The following PCSK9 variants were observed in gnomAD, a reference collection of about 807,000 sequenced individuals.
PCSK9 encodes convertase subtilisin/kexin type 9 preproprotein.
A neutral mutation model predicts 62.1 loss-of-function variants in PCSK9; 57 were observed. That is an observed-to-expected ratio of 0.92 (90% CI 0.74 to 1.14). The LOEUF (loss-of-function observed/expected upper bound fraction) is 1.14. PCSK9 is among the 50% of genes most tolerant of loss of function. The probability of loss-of-function intolerance (pLI) is 0.00; values close to 1 mark genes in which losing one functional copy is unlikely to be tolerated. For missense variants in PCSK9, 870 were observed against 959.8 expected (o/e 0.91, Z 1.24); for synonymous variants, 387 against 409.4 (o/e 0.95, Z 0.66).
intron 1 of PCSK9, among the ~76,000 whole-genome samples, chr1:55,043,251 TCCCTTCTGC>T (rs1644609166): frequency 1.3e-5 from 2 of 152,348 alleles, no homozygotes; most frequent in South Asian, 4.1e-4. Context: ...CACTTAGTCA[TCCCTTCTGC>T]CTGCATTTGT....
In PCSK9 at chr1:55,051,049, C is replaced by T. The variant is rs1644669277; in HGVS notation, c.524-1229C>T. The T allele has an allele frequency of 7.0e-6, 3 of 425,556 alleles. No homozygotes were observed. The Admixed American group carries it at 7.8e-5, about 11-fold the overall frequency. The allele number at this position is 425,556 out of a possible 1,614,324, so 26.4% of individuals were successfully genotyped here. On this transcript the variant is annotated intron_variant, in intron 3 of 11. Transcript: ENST00000302118. ...AGGGAACACCAGCAGCCACCAGAAGCCGGAAGACGTGAGGCAGGGTTCTTC... is the reference window on the plus strand; with the variant it reads ...AGGGAACACCAGCAGCCACCAGAAGTCGGAAGACGTGAGGCAGGGTTCTTC...
Position 55,061,083 on chromosome 1 carries a change from T to C in PCSK9, c.1682-292T>C, listed in dbSNP as rs538316722. On this transcript the variant is annotated intron_variant, in intron 10 of 11. Transcript: ENST00000302118. Reference sequence around the variant, plus strand: ...GGGGGAGTTTGAGCATCTCAGGCCATAGAGCCCCTGCCTCACTGTCTCCAT... The same window carrying C: ...GGGGGAGTTTGAGCATCTCAGGCCACAGAGCCCCTGCCTCACTGTCTCCAT... 3.1e-3 allele frequency among the ~76,000 whole-genome samples: 478 copies of C among 152,224 alleles called. 4 individuals carry two copies. Among genetic ancestry groups the C allele is most frequent in the African/African-American group, 0.011 (445 of 41,536 alleles).
intron 2 of PCSK9, 36 bp from the exon 3 acceptor site, chr1:55,046,482 ATGGCT>A: frequency 6.2e-7 from 1 of 1,614,046 alleles, no homozygotes; most frequent in Non-Finnish European, 8.5e-7. Flanking sequence ...TGCTGTCCAA[ATGGCT>A]TAAGCAGAGT....
chr1:55,055,191 A>G (rs557435), intron 5 of PCSK9, among the ~76,000 whole-genome samples: 120,948 of 151,972 alleles, frequency 0.8, 48,421 homozygotes, highest in East Asian at 0.95. Flanking sequence ...CCTGGGAGCA[A>G]CTGTCCCTGT....
In PCSK9 at chr1:55,039,669, G is replaced by GCGGCTCC. The variant is rs984928841; in HGVS notation, c.-167_-161dup. ...CGGGCCGGGACGCGTCGTTGCAGCAGCGGCTCCCAGCTCCCAGCCAGGATT... is the reference window on the plus strand; with the variant it reads ...CGGGCCGGGACGCGTCGTTGCAGCAGCGGCTCCCGGCTCCCAGCTCCCAGCCAGGATT... On this transcript the variant is annotated 5_prime_UTR_variant, in exon 1 of 12. Coordinates refer to ENST00000302118, the MANE Select transcript of PCSK9 (RefSeq NM_174936.4). 1 of 767,258 alleles carries GCGGCTCC rather than the reference G, an allele frequency of 1.3e-6. No homozygotes were observed. Among genetic ancestry groups the GCGGCTCC allele is most frequent in the African/African-American group, 1.7e-5 (1 of 57,338 alleles). The allele number at this position is 767,258 out of a possible 1,614,324, so 47.5% of individuals were successfully genotyped here.
chr1:55,062,541 A>G (rs1404538352), intron 11 of PCSK9, among the ~76,000 whole-genome samples: 1 of 152,232 alleles, frequency 6.6e-6, no homozygotes, highest in Non-Finnish European at 1.5e-5. Context: ...GCGATGGAGA[A>G]AACTATAGCA....
intron 3 of PCSK9, chr1:55,051,784 C>G (rs1227231410): frequency 4.1e-6 from 1 of 243,310 alleles, no homozygotes; most frequent in African/African-American, 2.3e-5. Flanking sequence ...GCCAGGAGGC[C>G]CAGACATACA....
chr1:55,049,953 C>T (rs1644661292), intron 3 of PCSK9, among the ~76,000 whole-genome samples: 2 of 151,814 alleles, frequency 1.3e-5, no homozygotes, highest in Non-Finnish European at 2.9e-5. Flanking sequence ...AAAGGACTCT[C>T]ACCTGGGCTA....
chr1:55,042,312 A>G (rs1490571253), intron 1 of PCSK9, among the ~76,000 whole-genome samples: 2 of 152,204 alleles, frequency 1.3e-5, no homozygotes, highest in African/African-American at 4.8e-5. Context: ...ACGAAAACCA[A>G]AAGTTTTTTT....
intron 7 of PCSK9, among the ~76,000 whole-genome samples, chr1:55,057,776 A>G (rs1644726378): frequency 1.3e-5 from 2 of 152,248 alleles, no homozygotes; most frequent in African/African-American, 4.8e-5. Context: ...GAGGAGGGAC[A>G]TTTGATCGGG....
Position 55,064,204 on chromosome 1 carries a change from T to A in PCSK9, c.*620T>A, listed in dbSNP as rs551502518. On this transcript the variant is annotated 3_prime_UTR_variant, in exon 12 of 12. Transcript: ENST00000302118. ...CCTTGGTTTCCTGAGCCACCTTTACTCTGCTCTATGCCAGGCTGTGCTAGC... is the reference window on the plus strand; with the variant it reads ...CCTTGGTTTCCTGAGCCACCTTTACACTGCTCTATGCCAGGCTGTGCTAGC... The A allele has an allele frequency of 1.3e-5, 2 of 155,282 alleles. No individual in the cohort carries two copies. Among genetic ancestry groups the A allele is most frequent in the South Asian group, 4.0e-4 (2 of 4,992 alleles). The allele number at this position is 155,282 out of a possible 1,614,324, so 9.6% of individuals were successfully genotyped here. A position where few individuals can be genotyped will look rare whatever the true frequency, so the allele number is the denominator to read the frequency against.
intron 5 of PCSK9, among the ~76,000 whole-genome samples, chr1:55,053,110 T>A (rs1644688458): frequency 6.6e-6 from 1 of 152,160 alleles, no homozygotes; most frequent in African/African-American, 2.4e-5. Context: ...TGTTATGTTA[T>A]CTTCAATGTG....
Position 55,063,693 on chromosome 1 carries a change from A to T in PCSK9, c.*109A>T. 3.9e-6 allele frequency: 5 copies of T among 1,286,218 alleles called. No homozygotes were observed. The highest frequency in any genetic ancestry group is 5.3e-6 in the Non-Finnish European group (5 of 946,700). The allele number at this position is 1,286,218 out of a possible 1,614,324, so 79.7% of individuals were successfully genotyped here. ...GCCCTCCATGGCCTGGCACGAGGGG[A>T]TGGGGATGCTTCCGCCTTTCCGGGG... On this transcript the variant is annotated 3_prime_UTR_variant, in exon 12 of 12. Coordinates refer to ENST00000302118, the MANE Select transcript of PCSK9 (RefSeq NM_174936.4).
chr1:55,062,676 G>A (rs1288635465), intron 11 of PCSK9, among the ~76,000 whole-genome samples: 2 of 152,316 alleles, frequency 1.3e-5, no homozygotes, highest in East Asian at 1.9e-4. Flanking sequence ...TGTGCAGGGA[G>A]TACCAGGAAA....
intron 5 of PCSK9, among the ~76,000 whole-genome samples, chr1:55,054,471 T>C (rs1644698020): frequency 6.6e-6 from 1 of 152,210 alleles, no homozygotes. Flanking sequence ...CCTCCCTCCG[T>C]GGTGTGAGGG....
At chr1:55,055,539 A>C (rs1644707924) in intron 5 of PCSK9, among the ~76,000 whole-genome samples, 1 of 152,228 alleles carries the variant, frequency 6.6e-6, no homozygotes, top group Non-Finnish European at 1.5e-5. Context: ...GTATTGGTCA[A>C]GGTTCTGCAG....
chr1:55,060,763 G>A (rs934293794), intron 10 of PCSK9, among the ~76,000 whole-genome samples: 2 of 152,196 alleles, frequency 1.3e-5, no homozygotes, highest in Non-Finnish European at 2.9e-5. Flanking sequence ...CTTGCAGCTA[G>A]GACATAGAGA....
In PCSK9 at chr1:55,063,670, C is replaced by A; in HGVS notation, c.*86C>A. 7.0e-7 allele frequency: 1 copy of A among 1,419,810 alleles called. No individual in the cohort carries two copies. The highest frequency in any genetic ancestry group is 9.5e-7 in the Non-Finnish European group (1 of 1,054,648). The allele number at this position is 1,419,810 out of a possible 1,614,324, so 88.0% of individuals were successfully genotyped here. A position where few individuals can be genotyped will look rare whatever the true frequency, so the allele number is the denominator to read the frequency against. On this transcript the variant is annotated 3_prime_UTR_variant, in exon 12 of 12. Transcript: ENST00000302118. ...GGTTCCGACTTGTCCCTCTCTCAGC[C>A]CTCCATGGCCTGGCACGAGGGGATG...
At chr1:55,056,224 A>T in intron 6 of PCSK9, 35 bp downstream of exon 6, 18 of 216,240 alleles carry the variant, frequency 8.3e-5, no homozygotes, top group Non-Finnish European at 1.1e-4. Flanking sequence ...AGGCGCGGGT[A>T]GGGGGCGGAG....
Sources: gnomAD v4.1 joint callset for allele counts (sites outside exome capture counted in the v4.1 genomes callset) on GRCh38, gnomAD v4.1.1 for gene constraint, MANE v1.5 for transcripts, NCBI Gene and HGNC (gene_info 2026-07-23, HGNC 2026-07-21) for gene names.